DENND5A: variants seen among roughly 807,000 people sequenced by gnomAD.
The protein encoded by DENND5A is DENN domain containing 5A, also known as DENN domain-containing protein 5A.
Under a neutral mutation model 140.3 loss-of-function variants are expected in DENND5A, and 64 were observed. The observed-to-expected ratio is 0.46, with a 90% CI of 0.37 to 0.56. The LOEUF (loss-of-function observed/expected upper bound fraction) is 0.56. Among genes scored for constraint, DENND5A ranks in the 20% least tolerant of loss-of-function variants. The pLI is 0.00. For synonymous variants in DENND5A, 605 were observed against 607.7 expected (o/e 1.00, Z 0.07); for missense variants, 1,292 against 1,593.8 (o/e 0.81, Z 3.22).
At chr11:9,159,575 C>T (rs1376095409) in intron 12 of DENND5A, among the ~76,000 whole-genome samples, 1 of 152,206 alleles carries the variant, frequency 6.6e-6, no homozygotes, top group Non-Finnish European at 1.5e-5. Context: ...GTCTTGGCCT[C>T]CCAAAGTGCT....
rs147042916 is a variant in DENND5A, at chr11:9,186,910, G to A, written c.1138-5826C>T. On this transcript the variant is annotated intron_variant, in intron 5 of 22. Transcript: ENST00000328194. Reference sequence around the variant, plus strand: ...AGTCTGGCCAACATGGTGAAACCCCGTCTCTACTAAAAACACAAAAAAAAT... The same window carrying A: ...AGTCTGGCCAACATGGTGAAACCCCATCTCTACTAAAAACACAAAAAAAAT... Among the ~76,000 whole-genome samples the A allele has an allele frequency of 9.8e-3, 1,484 of 152,090 alleles. 29 individuals carry two copies. The highest frequency in any genetic ancestry group is 9.5e-3 in the Non-Finnish European group (644 of 67,980).
chr11:9,238,446 C>G (rs896606990), intron 1 of DENND5A, among the ~76,000 whole-genome samples: 36 of 149,318 alleles, frequency 2.4e-4, no homozygotes, highest in African/African-American at 8.5e-4. Context: ...TTTTGAGATG[C>G]AGTCGCGCTC....
intron 1 of DENND5A, among the ~76,000 whole-genome samples, chr11:9,248,235 A>C (rs1851562268): frequency 6.6e-6 from 1 of 152,084 alleles, no homozygotes; most frequent in Non-Finnish European, 1.5e-5. Context: ...CACCTTCCTC[A>C]GTCTCCCAAA....
intron 1 of DENND5A, among the ~76,000 whole-genome samples, chr11:9,217,917 A>G (rs1850158034): frequency 6.6e-6 from 1 of 152,238 alleles, no homozygotes; most frequent in African/African-American, 2.4e-5. Flanking sequence ...GAGATAAAAG[A>G]TGACATTGTA....
chr11:9,205,993 T>C (rs1310286842), intron 3 of DENND5A, among the ~76,000 whole-genome samples: 1 of 152,236 alleles, frequency 6.6e-6, no homozygotes, highest in African/African-American at 2.4e-5. Flanking sequence ...CAACTACTTA[T>C]TGGCCATGCG....
intron 5 of DENND5A, among the ~76,000 whole-genome samples, chr11:9,181,881 T>C (rs949939190): frequency 2.0e-5 from 3 of 152,224 alleles, no homozygotes; most frequent in Non-Finnish European, 2.9e-5. Context: ...CCATTCTCTC[T>C]TTCTGAGCCT....
intron 1 of DENND5A, among the ~76,000 whole-genome samples, chr11:9,257,329 A>G (rs1412685551): frequency 6.6e-6 from 1 of 151,568 alleles, no homozygotes; most frequent in Non-Finnish European, 1.5e-5. Flanking sequence ...ATTATAAAAA[A>G]AGATAAAGCA....
intron 1 of DENND5A, among the ~76,000 whole-genome samples, chr11:9,210,262 T>A (rs528263233): frequency 1.3e-5 from 2 of 152,326 alleles, no homozygotes; most frequent in African/African-American, 4.8e-5. Flanking sequence ...ATCACCAACA[T>A]GACTGTCCTA....
intron 3 of DENND5A, among the ~76,000 whole-genome samples, chr11:9,205,638 G>A (rs1849668731): frequency 6.6e-6 from 1 of 152,290 alleles, no homozygotes; most frequent in East Asian, 1.9e-4. Context: ...CACGCCTATA[G>A]TCGCAGCACT....
intron 5 of DENND5A, among the ~76,000 whole-genome samples, chr11:9,188,505 C>T (rs1471267520): frequency 1.3e-5 from 2 of 152,102 alleles, no homozygotes; most frequent in Non-Finnish European, 2.9e-5. Context: ...CAGGAGAAGA[C>T]AGGAAAATGT....
rs2136176839 is a variant in DENND5A, at chr11:9,181,019, G to A, written c.1203C>T (p.Phe401=). The change falls in exon 6 of 23, where the codon TTC becomes TTT. Residue 401 remains phenylalanine (F), a synonymous_variant. Transcript: ENST00000328194. ...FIELPEDLPQ[F]PNKLEFVQEV... is the part of the protein sequence containing the mutation. ...CCTGGACAAACTCCAATTTGTTGGG[G>A]AACTGTGGCAAGTCCTCTGGCAACT... 3 of 1,614,184 alleles carry A rather than the reference G, an allele frequency of 1.9e-6. 1 individual carries two copies. The highest frequency in any genetic ancestry group is 8.5e-7 in the Non-Finnish European group (1 of 1,180,032).
intron 4 of DENND5A, chr11:9,203,427 G>A (rs1396194479): frequency 4.3e-6 from 2 of 466,016 alleles, no homozygotes; most frequent in South Asian, 5.1e-5. Flanking sequence ...GACATAGGAA[G>A]CAATGTTCCC....
intron 1 of DENND5A, among the ~76,000 whole-genome samples, chr11:9,214,265 T>C (rs1032473117): frequency 6.6e-6 from 1 of 152,336 alleles, no homozygotes; most frequent in Admixed American, 6.5e-5. Flanking sequence ...TGCTCCAGCA[T>C]TTCAATTCTC....
At position 9,139,131 on chromosome 11, in the gene DENND5A, A is replaced by G. The variant is rs1847146178; in HGVS notation, c.*540T>C. ...TGTCTCCTTCCCAAACAATACTGAC[A>G]AAAAAGAAAATACGTGGGACTGACT... On this transcript the variant is annotated 3_prime_UTR_variant, in exon 23 of 23. Transcript: ENST00000328194. 1 of 152,778 alleles carries G rather than the reference A, an allele frequency of 6.5e-6. No homozygotes were observed. Among genetic ancestry groups the G allele is most frequent in the Non-Finnish European group, 1.5e-5 (1 of 68,132 alleles). 9.5% of individuals were successfully genotyped at this position (152,778 alleles called of 1,614,324 possible).
rs1243399691 is a variant in DENND5A at position 9,245,994 on chromosome 11, T to G, written c.109+18967A>C. 2.0e-5 allele frequency among the ~76,000 whole-genome samples: 3 copies of G among 152,250 alleles called. No homozygotes were observed. In the East Asian group the frequency reaches 5.8e-4, roughly 29 times the overall value. ...AGCACCTACTACATAAAGTACGTTTTTCTACCAAAGTTAAGAAATTTGCCT... is the reference window on the plus strand; with the variant it reads ...AGCACCTACTACATAAAGTACGTTTGTCTACCAAAGTTAAGAAATTTGCCT... On this transcript the variant is annotated intron_variant, in intron 1 of 22. Coordinates refer to ENST00000328194, the MANE Select transcript of DENND5A (RefSeq NM_015213.4).
In DENND5A at chr11:9,178,335, T is replaced by C; in HGVS notation, c.1703A>G (p.Tyr568Cys). ...ASFLSDQPEP[Y>C]LPFLSRFLET... ...CAGGAATCTTGAGAGGAAGGGCAGG[T>C]AGGGCTCAGGCTGATCTGACAGAAA... The change falls in exon 8 of 23, where the codon TAC becomes TGC. Residue 568 changes from tyrosine (Y) to cysteine (C), a missense_variant. This residue lies in a region of DENND5A where 29 missense variants were observed against 64.7 expected (regional missense o/e 0.45). Coordinates refer to ENST00000328194, the MANE Select transcript of DENND5A (RefSeq NM_015213.4). 6.2e-7 allele frequency: 1 copy of C among 1,613,806 alleles called. No homozygotes were observed. The highest frequency in any genetic ancestry group is 8.5e-7 in the Non-Finnish European group (1 of 1,179,836).
At chr11:9,174,095 T>C (rs1441095926) in intron 8 of DENND5A, among the ~76,000 whole-genome samples, 36 of 72,514 alleles carry the variant, frequency 5.0e-4, no homozygotes, top group African/African-American at 2.1e-3. Flanking sequence ...AGAGCAAGAC[T>C]CCGTCTCAAA....
At chr11:9,161,337 G>A (rs1358164636) in intron 11 of DENND5A, among the ~76,000 whole-genome samples, 2 of 136,966 alleles carry the variant, frequency 1.5e-5, no homozygotes, top group Non-Finnish European at 3.1e-5. Context: ...AACAGAGCGA[G>A]ACTCCGTCTC....
At chr11:9,253,812 A>C (rs1851828821) in intron 1 of DENND5A, among the ~76,000 whole-genome samples, 1 of 151,578 alleles carries the variant, frequency 6.6e-6, no homozygotes. Flanking sequence ...GTTGTAGTAA[A>C]CCATGATCAC....
Sources: gnomAD v4.1 joint callset for allele counts (sites outside exome capture counted in the v4.1 genomes callset) on GRCh38, gnomAD v4.1.1 for gene constraint, gnomAD v4.1.1 regional missense constraint, MANE v1.5 for transcripts, NCBI Gene and HGNC (gene_info 2026-07-23, HGNC 2026-07-21) for gene names.